GPATCH2: variants seen among roughly 807,000 people sequenced by gnomAD.
The protein encoded by GPATCH2 is G-patch domain containing 2, also known as G patch domain-containing protein 2.
A neutral mutation model predicts 58.0 loss-of-function variants in GPATCH2; 51 were observed. The ratio of observed to expected loss-of-function variants is 0.88; its 90% CI spans 0.70 to 1.11. GPATCH2 has a LOEUF of 1.11. Ranked by LOEUF, GPATCH2 falls within the 50% of genes most tolerant of loss-of-function variation. GPATCH2 has a pLI of 0.00. For synonymous variants in GPATCH2, 222 were observed against 218.5 expected, an observed-to-expected ratio of 1.02 and a Z score of -0.14; for missense variants, 625 against 652.2, an observed-to-expected ratio of 0.96 and a Z score of 0.45.
intron 5 of GPATCH2, among the ~76,000 whole-genome samples, chr1:217,602,659 T>TAC (rs1668161700): frequency 6.6e-6 from 1 of 152,004 alleles, no homozygotes; most frequent in Non-Finnish European, 1.5e-5. Flanking sequence ...GGTGCTAGAA[T>TAC]TAGATCAGCA....
At chr1:217,550,628 A>G (rs931105362) in intron 5 of GPATCH2, among the ~76,000 whole-genome samples, 5 of 152,040 alleles carry the variant, frequency 3.3e-5, no homozygotes, top group Non-Finnish European at 7.4e-5. Context: ...TTGACAAAAT[A>G]AAAAATGTTT....
At chr1:217,466,488 G>A (rs1360503776) in intron 8 of GPATCH2, among the ~76,000 whole-genome samples, 1 of 152,012 alleles carries the variant, frequency 6.6e-6, no homozygotes, top group Non-Finnish European at 1.5e-5. Flanking sequence ...GCCTCCCTAA[G>A]TGCCGGGATT....
At chr1:217,563,067 G>C (rs899885793) in intron 5 of GPATCH2, among the ~76,000 whole-genome samples, 4 of 152,296 alleles carry the variant, frequency 2.6e-5, no homozygotes, top group African/African-American at 9.6e-5. Flanking sequence ...AAAGTACCCA[G>C]TTGTCTGATA....
At chr1:217,499,699 T>C (rs1662201007) in intron 6 of GPATCH2, among the ~76,000 whole-genome samples, 1 of 151,838 alleles carries the variant, frequency 6.6e-6, no homozygotes, top group Admixed American at 6.6e-5. Flanking sequence ...CTCTGACAGC[T>C]TGACTAAGAT....
chr1:217,618,947 A>G (rs921281414), intron 2 of GPATCH2, among the ~76,000 whole-genome samples: 1 of 150,696 alleles, frequency 6.6e-6, no homozygotes, highest in African/African-American at 2.4e-5. Flanking sequence ...TGGGAAACAG[A>G]GTGAGTCTCT....
chr1:217,496,560 G>A (rs570401446), intron 7 of GPATCH2, among the ~76,000 whole-genome samples: 143 of 152,310 alleles, frequency 9.4e-4, no homozygotes, highest in African/African-American at 3.3e-3. Flanking sequence ...CTAACTGCAA[G>A]AAGACAGTGA....
At chr1:217,600,553 C>T (rs1337207997) in intron 5 of GPATCH2, among the ~76,000 whole-genome samples, 1 of 151,992 alleles carries the variant, frequency 6.6e-6, no homozygotes, top group African/African-American at 2.4e-5. Flanking sequence ...AAGTAGAAAA[C>T]CGAAATTTAT....
intron 5 of GPATCH2, chr1:217,609,199 T>C (rs1668507779): frequency 1.0e-6 from 1 of 983,632 alleles, no homozygotes; most frequent in African/African-American, 1.7e-5. Context: ...AATAGAAACA[T>C]TACATTTTCC....
chr1:217,590,950 T>A (rs6687023), intron 5 of GPATCH2, among the ~76,000 whole-genome samples: 8 of 152,146 alleles, frequency 5.3e-5, no homozygotes, highest in East Asian at 1.9e-4. Context: ...AATTCAGGTA[T>A]GAAAATGGAA....
chr1:217,560,808 GA>G (rs1432972380), intron 5 of GPATCH2, among the ~76,000 whole-genome samples: 1 of 152,172 alleles, frequency 6.6e-6, no homozygotes, highest in Non-Finnish European at 1.5e-5. Context: ...TAACAACAAA[GA>G]ATGACTGTCT....
intron 6 of GPATCH2, among the ~76,000 whole-genome samples, chr1:217,508,915 AAT>A (rs1221180995): frequency 6.6e-6 from 1 of 152,178 alleles, no homozygotes; most frequent in Non-Finnish European, 1.5e-5. Context: ...TAAATATAGT[AAT>A]ATGTTTTTCA....
At chr1:217,588,162 C>T (rs1327095903) in intron 5 of GPATCH2, among the ~76,000 whole-genome samples, 1 of 152,134 alleles carries the variant, frequency 6.6e-6, no homozygotes, top group African/African-American at 2.4e-5. Context: ...CTTGGATAAT[C>T]CATCCTTCAT....
At chr1:217,558,142 T>C (rs1179557541) in intron 5 of GPATCH2, among the ~76,000 whole-genome samples, 1 of 152,166 alleles carries the variant, frequency 6.6e-6, no homozygotes. Flanking sequence ...AAAAAATAAT[T>C]AGAAACAGGG....
chr1:217,448,849 A>G (rs1441540279), intron 9 of GPATCH2, among the ~76,000 whole-genome samples: 1 of 152,094 alleles, frequency 6.6e-6, no homozygotes, highest in Non-Finnish European at 1.5e-5. Flanking sequence ...CTCCTACCAC[A>G]TGGGGTCTTG....
chr1:217,578,583 G>C (rs1295849161), intron 5 of GPATCH2, among the ~76,000 whole-genome samples: 1 of 152,158 alleles, frequency 6.6e-6, no homozygotes, highest in Non-Finnish European at 1.5e-5. Context: ...AGTCCTGGCT[G>C]AGGTTTCTGG....
Position 217,630,979 on chromosome 1 carries a change from AC to A in GPATCH2, c.-9del, listed in dbSNP as rs1234033067. 2 of 1,586,076 alleles carry A rather than the reference AC, an allele frequency of 1.3e-6. No individual in the cohort carries two copies. The highest frequency in any genetic ancestry group is 1.7e-6 in the Non-Finnish European group (2 of 1,171,464). ...CCCGGCGGCCCCGAACATTAACGAC[AC>A]CCGGGAGCCTGGCCTCGAAGCTCAG... is the stretch of plus-strand genomic sequence containing the variant. On this transcript the variant is annotated 5_prime_UTR_variant, in exon 1 of 10. Transcript: ENST00000366935.
In GPATCH2 at chr1:217,610,602, T is replaced by C. The variant is rs939574130; in HGVS notation, c.1019-202A>G. Among the ~76,000 whole-genome samples, 14 of 152,302 alleles carry C rather than the reference T, an allele frequency of 9.2e-5. 1 individual carries two copies. Among genetic ancestry groups the C allele is most frequent in the Non-Finnish European group, 1.6e-4 (11 of 68,026 alleles). On this transcript the variant is annotated intron_variant, in intron 4 of 9. Coordinates refer to ENST00000366935, the MANE Select transcript of GPATCH2 (RefSeq NM_018040.5). ...AGTACTAAGGCAGTCAGCACTTAAC[T>C]AACCAGTGTTCAATCACTAGAGTAA...
At chr1:217,435,831 T>C (rs265137) in intron 9 of GPATCH2, among the ~76,000 whole-genome samples, 77,258 of 152,066 alleles carry the variant, frequency 0.51, 21,338 homozygotes, top group African/African-American at 0.71. Context: ...GGTGTTACTA[T>C]TCTTCGTCTA....
intron 5 of GPATCH2, among the ~76,000 whole-genome samples, chr1:217,595,392 A>G (rs547023424): frequency 6.6e-6 from 1 of 152,354 alleles, no homozygotes; most frequent in Non-Finnish European, 1.5e-5. Context: ...AACATTCAAA[A>G]AAGCAACATC....
Sources: allele counts gnomAD v4.1 joint callset (sites outside exome capture counted in the v4.1 genomes callset), GRCh38; gene constraint gnomAD v4.1.1; transcripts MANE v1.5; gene names NCBI Gene and HGNC (gene_info 2026-07-23, HGNC 2026-07-21).